Variants in GRIK2 observed in about 807,000 individuals in gnomAD.
The protein encoded by GRIK2 is glutamate ionotropic receptor kainate type subunit 2.
A neutral mutation model predicts 100.3 loss-of-function variants in GRIK2; 32 were observed. That is an observed-to-expected ratio of 0.32 (90% confidence interval 0.24 to 0.43). The LOEUF (loss-of-function observed/expected upper bound fraction) is 0.43. Ranked by LOEUF, GRIK2 falls within the 20% of genes least tolerant of loss-of-function variation. The pLI is 1.00. For missense variants in GRIK2, 843 were observed against 1,114.9 expected (o/e 0.76, Z 3.47); for synonymous variants, 417 against 389.4 (o/e 1.07, Z -0.83).
At chr6:101,672,649 G>A (rs181659229) in intron 4 of GRIK2, among the ~76,000 whole-genome samples, 1 of 151,940 alleles carries the variant, frequency 6.6e-6, no homozygotes, top group East Asian at 1.9e-4. Context: ...TTTGTGTTGT[G>A]GGGGTTTGGT....
intron 2 of GRIK2, among the ~76,000 whole-genome samples, 188 bp downstream of exon 2, chr6:101,399,580 C>A (rs552644309): frequency 6.6e-6 from 1 of 152,014 alleles, no homozygotes; most frequent in Non-Finnish European, 1.5e-5. Context: ...TATTTTTAGC[C>A]GCGGGAGGGT....
intron 9 of GRIK2, among the ~76,000 whole-genome samples, chr6:101,806,015 G>A (rs1167750265): frequency 2.6e-5 from 4 of 151,948 alleles, no homozygotes; most frequent in Non-Finnish European, 5.9e-5. Context: ...TATAACAGAA[G>A]CCTTAATTGG....
chr6:101,841,742 T>C (rs1025108073), intron 10 of GRIK2, among the ~76,000 whole-genome samples: 1 of 152,198 alleles, frequency 6.6e-6, no homozygotes, highest in Non-Finnish European at 1.5e-5. Flanking sequence ...TAAGTTAGAC[T>C]CTGACGATTT....
intron 7 of GRIK2, among the ~76,000 whole-genome samples, chr6:101,754,833 GA>G (rs1777026090): frequency 6.6e-6 from 1 of 152,204 alleles, no homozygotes; most frequent in Non-Finnish European, 1.5e-5. Flanking sequence ...CTCCTGTGAG[GA>G]AATGAAATGT....
At chr6:101,759,706 AAAT>A (rs1321160020) in intron 7 of GRIK2, among the ~76,000 whole-genome samples, 1 of 152,092 alleles carries the variant, frequency 6.6e-6, no homozygotes, top group Non-Finnish European at 1.5e-5. Flanking sequence ...TTAATGATAT[AAAT>A]AATTTTATTA....
intron 16 of GRIK2, among the ~76,000 whole-genome samples, chr6:102,065,499 A>G (rs968125045): frequency 2.0e-5 from 3 of 151,130 alleles, no homozygotes; most frequent in African/African-American, 7.3e-5. Context: ...CATGTGTAAG[A>G]TTTTTTCCTA....
At chr6:102,050,746 AAAG>A (rs1021521090) in intron 15 of GRIK2, among the ~76,000 whole-genome samples, 6 of 151,436 alleles carry the variant, frequency 4.0e-5, no homozygotes, top group African/African-American at 1.5e-4. Flanking sequence ...GAGGAATGAA[AAAG>A]TAGGGAGGGA....
At chr6:101,906,199 A>G (rs560511835) in intron 12 of GRIK2, among the ~76,000 whole-genome samples, 200 of 151,854 alleles carry the variant, frequency 1.3e-3, no homozygotes, top group Non-Finnish European at 2.2e-3. Context: ...CTCCTATGTG[A>G]GCCTAGAATA....
intron 2 of GRIK2, among the ~76,000 whole-genome samples, chr6:101,615,100 A>G (rs1035715261): frequency 6.6e-6 from 1 of 151,772 alleles, no homozygotes; most frequent in Non-Finnish European, 1.5e-5. Flanking sequence ...AAAACAAAGG[A>G]GGGCAATTGT....
intron 4 of GRIK2, among the ~76,000 whole-genome samples, chr6:101,666,223 G>T (rs997787796): frequency 6.6e-6 from 1 of 152,176 alleles, no homozygotes; most frequent in Non-Finnish European, 1.5e-5. Flanking sequence ...CGGAAGGAGT[G>T]CATAGGGAAG....
intron 7 of GRIK2, among the ~76,000 whole-genome samples, chr6:101,779,045 G>A (rs1176042948): frequency 1.3e-5 from 2 of 152,004 alleles, no homozygotes; most frequent in Non-Finnish European, 1.5e-5. Flanking sequence ...AAATATTAAT[G>A]TCAATTTTTA....
chr6:101,400,022 G>A (rs1003775846), intron 2 of GRIK2, among the ~76,000 whole-genome samples: 6 of 152,180 alleles, frequency 3.9e-5, no homozygotes, highest in African/African-American at 1.4e-4. Context: ...CTGCTACTTA[G>A]CTGGAACGAA....
chr6:101,974,617 G>A (rs931218952), intron 14 of GRIK2, among the ~76,000 whole-genome samples: 5 of 151,990 alleles, frequency 3.3e-5, no homozygotes, highest in African/African-American at 1.2e-4. Flanking sequence ...TTTCTTTTCT[G>A]AGAAATCTTA....
chr6:101,958,700 A>G (rs1308252258), intron 14 of GRIK2, among the ~76,000 whole-genome samples: 1 of 151,980 alleles, frequency 6.6e-6, no homozygotes, highest in East Asian at 1.9e-4. Flanking sequence ...GTAAGTTTAT[A>G]TGATACCTGG....
At chr6:101,791,244 T>A (rs1382562076) in intron 7 of GRIK2, among the ~76,000 whole-genome samples, 1 of 152,206 alleles carries the variant, frequency 6.6e-6, no homozygotes, top group Non-Finnish European at 1.5e-5. Flanking sequence ...TCTTGCCTTC[T>A]GCTAGCTTTT....
At chr6:101,502,198 T>C (rs570874184) in intron 2 of GRIK2, among the ~76,000 whole-genome samples, 66 of 152,150 alleles carry the variant, frequency 4.3e-4, no homozygotes, top group Non-Finnish European at 7.4e-4. Flanking sequence ...TATTCATTAT[T>C]AAAACATATC....
chr6:101,663,245 G>T (rs572812499), intron 4 of GRIK2, among the ~76,000 whole-genome samples: 1 of 152,082 alleles, frequency 6.6e-6, no homozygotes, highest in Non-Finnish European at 1.5e-5. Flanking sequence ...ATCATTTGCC[G>T]TTCATAACTG....
chr6:101,784,337 T>C (rs1401169245), intron 7 of GRIK2, among the ~76,000 whole-genome samples: 4 of 152,216 alleles, frequency 2.6e-5, no homozygotes, highest in Non-Finnish European at 5.9e-5. Flanking sequence ...GCTGGGAACA[T>C]TTACCCAATG....
At chr6:101,765,614 G>A (rs913591068) in intron 7 of GRIK2, among the ~76,000 whole-genome samples, 5 of 152,104 alleles carry the variant, frequency 3.3e-5, no homozygotes, top group African/African-American at 1.2e-4. Flanking sequence ...CCTGGAGGCA[G>A]GTACCTGCTA....
Sources: gnomAD v4.1 joint callset for allele counts (sites outside exome capture counted in the v4.1 genomes callset) on GRCh38, gnomAD v4.1.1 for gene constraint, MANE v1.5 for transcripts, NCBI Gene and HGNC (gene_info 2026-07-23, HGNC 2026-07-21) for gene names.